PRKCA: variants seen among roughly 807,000 people sequenced by gnomAD.
The protein encoded by PRKCA is protein kinase C alpha, also known as protein kinase C alpha type.
In PRKCA, 27 loss-of-function variants were observed where a neutral mutation model predicts 87.0. The observed-to-expected ratio is 0.31, with a 90% confidence interval of 0.23 to 0.43. PRKCA has a LOEUF of 0.43. Ranked by LOEUF, PRKCA falls within the 20% of genes least tolerant of loss-of-function variation. The pLI is 1.00. For synonymous variants in PRKCA, 329 were observed against 311.1 expected, an observed-to-expected ratio of 1.06 and a Z score of -0.61; for missense variants, 518 against 852.3, an observed-to-expected ratio of 0.61 and a Z score of 4.88.
At chr17:66,757,589 A>C (rs1278027514) in intron 13 of PRKCA, among the ~76,000 whole-genome samples, 3 of 148,118 alleles carry the variant, frequency 2.0e-5, no homozygotes, top group South Asian at 2.2e-4. Flanking sequence ...AAAAAAAAAA[A>C]ACGAACCTAG....
At chr17:66,383,344 T>C (rs1909875726) in intron 2 of PRKCA, among the ~76,000 whole-genome samples, 1 of 152,196 alleles carries the variant, frequency 6.6e-6, no homozygotes, top group Non-Finnish European at 1.5e-5. Context: ...GTATAGACTT[T>C]CTGTTTGCTT....
intron 2 of PRKCA, among the ~76,000 whole-genome samples, chr17:66,463,323 A>C (rs944594934): frequency 6.6e-6 from 1 of 152,050 alleles, no homozygotes; most frequent in East Asian, 1.9e-4. Context: ...TAACTGAGCA[A>C]ACTTGCAGCT....
chr17:66,665,761 T>C (rs997606475), intron 5 of PRKCA, among the ~76,000 whole-genome samples: 3 of 152,216 alleles, frequency 2.0e-5, no homozygotes, highest in Non-Finnish European at 4.4e-5. Flanking sequence ...GTATTTTTGC[T>C]CCTAGCCTTG....
intron 2 of PRKCA, among the ~76,000 whole-genome samples, chr17:66,476,473 C>T (rs1915541211): frequency 6.6e-6 from 1 of 152,148 alleles, no homozygotes; most frequent in Non-Finnish European, 1.5e-5. Flanking sequence ...CAGCCAAGGC[C>T]CTGTCTGGTC....
At chr17:66,406,690 A>G (rs1911423600) in intron 2 of PRKCA, among the ~76,000 whole-genome samples, 1 of 147,988 alleles carries the variant, frequency 6.8e-6, no homozygotes, top group Non-Finnish European at 1.5e-5. Context: ...AATTTAAAGA[A>G]TGCATTCGAT....
At chr17:66,550,573 C>T (rs1968294782) in intron 3 of PRKCA, among the ~76,000 whole-genome samples, 3 of 152,050 alleles carry the variant, frequency 2.0e-5, no homozygotes, top group Admixed American at 6.6e-5. Context: ...GGCTTGAACC[C>T]GGGAGGCAGA....
At chr17:66,489,249 G>A (rs988918994) in intron 2 of PRKCA, among the ~76,000 whole-genome samples, 6 of 150,948 alleles carry the variant, frequency 4.0e-5, no homozygotes, top group East Asian at 3.9e-4. Flanking sequence ...CCTGTGTTCC[G>A]TTTTACATGA....
chr17:66,707,532 C>G (rs771399519), intron 8 of PRKCA, among the ~76,000 whole-genome samples: 7 of 152,192 alleles, frequency 4.6e-5, no homozygotes, highest in Non-Finnish European at 8.8e-5. Context: ...GTGTAAAACT[C>G]ACGTGTGTGA....
Position 66,804,320 on chromosome 17 carries a change from A to G in PRKCA, c.*283A>G. On this transcript the variant is annotated 3_prime_UTR_variant, in exon 17 of 17. Coordinates refer to ENST00000413366, the MANE Select transcript of PRKCA (RefSeq NM_002737.3). ...GGTTAACCCTTCCTAGAAAGCAAGC[A>G]GACTGTTGCCCCATTTTGGGTACAA... 3.2e-6 allele frequency: 1 copy of G among 309,652 alleles called. No individual in the cohort carries two copies. The highest frequency in any genetic ancestry group is 5.9e-6 in the Non-Finnish European group (1 of 169,076). The allele number at this position is 309,652 out of a possible 1,614,324, so 19.2% of individuals were successfully genotyped here. A position where few individuals can be genotyped will look rare whatever the true frequency, so the allele number is the denominator to read the frequency against.
chr17:66,651,829 C>G (rs1971597785), intron 5 of PRKCA, among the ~76,000 whole-genome samples: 1 of 152,270 alleles, frequency 6.6e-6, no homozygotes, highest in East Asian at 1.9e-4. Flanking sequence ...CTCAGCAGAT[C>G]CCTCCAACTG....
intron 3 of PRKCA, among the ~76,000 whole-genome samples, chr17:66,516,839 G>C (rs1293005935): frequency 6.6e-6 from 1 of 152,146 alleles, no homozygotes; most frequent in Non-Finnish European, 1.5e-5. Context: ...GGAGGCTGAG[G>C]TGGCTTAACA....
intron 2 of PRKCA, among the ~76,000 whole-genome samples, chr17:66,455,638 C>CG (rs1394860714): frequency 1.3e-5 from 2 of 152,144 alleles, no homozygotes; most frequent in African/African-American, 4.8e-5. Context: ...AGAAAAGGCC[C>CG]TGCTGTGACA....
chr17:66,331,191 C>T (rs1906301851), intron 2 of PRKCA, among the ~76,000 whole-genome samples: 1 of 152,072 alleles, frequency 6.6e-6, no homozygotes, highest in South Asian at 2.1e-4. Context: ...TTAGCTGTGT[C>T]CTCTGATGGC....
intron 3 of PRKCA, among the ~76,000 whole-genome samples, chr17:66,619,945 C>T (rs764090206): frequency 4.6e-5 from 7 of 152,084 alleles, no homozygotes; most frequent in Non-Finnish European, 1.0e-4. Flanking sequence ...TACTTTAAAA[C>T]AGCCCAAAAC....
chr17:66,481,734 T>C (rs1915785949), intron 2 of PRKCA, among the ~76,000 whole-genome samples: 1 of 152,168 alleles, frequency 6.6e-6, no homozygotes. Context: ...TGCCAGACTT[T>C]CTGGCCTTCA....
intron 3 of PRKCA, among the ~76,000 whole-genome samples, chr17:66,578,345 G>A (rs937601678): frequency 6.6e-6 from 1 of 152,106 alleles, no homozygotes; most frequent in South Asian, 2.1e-4. Flanking sequence ...GTTTGTCCTT[G>A]GAAACCCTTC....
chr17:66,477,798 T>C (rs1915596173), intron 2 of PRKCA, among the ~76,000 whole-genome samples: 1 of 152,232 alleles, frequency 6.6e-6, no homozygotes. Context: ...ATTTCAGAGT[T>C]GTGTAACCAT....
intron 2 of PRKCA, among the ~76,000 whole-genome samples, chr17:66,417,112 C>T (rs958624416): frequency 1.3e-5 from 2 of 151,992 alleles, no homozygotes; most frequent in Non-Finnish European, 1.5e-5. Context: ...GTTGGCCAGG[C>T]TGGTCTCAAA....
At chr17:66,774,133 G>C (rs765110729) in intron 14 of PRKCA, 66 bp downstream of exon 14, 1 of 1,611,816 alleles carries the variant, frequency 6.2e-7, no homozygotes, top group Non-Finnish European at 8.5e-7. Context: ...AGCTCTGGTT[G>C]GGCCTCGAGA....
Sources: gnomAD v4.1 joint callset for allele counts (sites outside exome capture counted in the v4.1 genomes callset) on GRCh38, gnomAD v4.1.1 for gene constraint, MANE v1.5 for transcripts, NCBI Gene and HGNC (gene_info 2026-07-23, HGNC 2026-07-21) for gene names.